METTL25B: variants seen among roughly 807,000 people sequenced by gnomAD.
METTL25B encodes methyltransferase-like protein 25B.
A neutral mutation model predicts 48.4 loss-of-function variants in METTL25B; 38 were observed. The ratio of observed to expected loss-of-function variants is 0.78; its 90% CI spans 0.61 to 1.03. The LOEUF is 1.03. Ranked by LOEUF, METTL25B falls within the 50% of genes least tolerant of loss-of-function variation. METTL25B has a pLI of 0.00. For missense variants in METTL25B, 537 were observed against 603.7 expected (o/e 0.89, Z 1.16); for synonymous variants, 230 against 254.5 (o/e 0.90, Z 0.92).
chr1:156,729,247 C>T (rs757480452), intron 1 of METTL25B, 32 bp downstream of exon 1: 5 of 1,405,556 alleles, frequency 3.6e-6, no homozygotes, highest in Non-Finnish European at 1.0e-6. Flanking sequence ...TGGGATGTCT[C>T]TGGTCGTGTG....
In METTL25B at chr1:156,731,991, G is replaced by C. The variant is rs1649329726; in HGVS notation, c.112G>C (p.Glu38Gln). The change falls in exon 2 of 8, where the codon GAA (glutamate) becomes CAA (glutamine). Residue 38 changes from glutamate to glutamine, a missense_variant and splice_region_variant. Coordinates refer to ENST00000368216, the MANE Select transcript of METTL25B (RefSeq NM_015997.4). ...YRSILDAYII[E>Q]FFTDNLWDTL... ...GATGGCTTCTCCCCTTCTTCTGTAG[G>C]AATTTTTCACAGACAACCTATGGGA... 2.5e-6 allele frequency: 4 copies of C among 1,614,080 alleles called. No individual in the cohort carries two copies. The highest frequency in any genetic ancestry group is 3.4e-6 in the Non-Finnish European group (4 of 1,180,000).
At chr1:156,736,225 T>G in intron 7 of METTL25B, 1 of 263,446 alleles carries the variant, frequency 3.8e-6, no homozygotes, top group Non-Finnish European at 7.2e-6. Context: ...CCGGGTATGG[T>G]GGCGCACACC....
chr1:156,733,309 A>C, intron 4 of METTL25B, 68 bp from the exon 5 acceptor site: 1 of 1,569,478 alleles, frequency 6.4e-7, no homozygotes, highest in Non-Finnish European at 8.7e-7. Flanking sequence ...TGTCCAGGTT[A>C]CCCATGGGGA....
chr1:156,733,721 T>A (rs1313603436), intron 5 of METTL25B: 1 of 669,460 alleles, frequency 1.5e-6, no homozygotes, highest in Admixed American at 3.0e-5. Flanking sequence ...CAAAGTGCTT[T>A]CCACACCAAT....
At chr1:156,730,686 C>A (rs769075301) in intron 1 of METTL25B, among the ~76,000 whole-genome samples, 1 of 152,114 alleles carries the variant, frequency 6.6e-6, no homozygotes, top group Non-Finnish European at 1.5e-5. Flanking sequence ...GAGCTGAGAT[C>A]GCGCCACTGC....
At position 156,729,216 on chromosome 1, in the gene METTL25B, G is replaced by T; in HGVS notation, c.111+1G>T. 6.3e-7 allele frequency: 1 copy of T among 1,588,072 alleles called. No homozygotes were observed. Among genetic ancestry groups the T allele is most frequent in the Non-Finnish European group, 8.6e-7 (1 of 1,158,522 alleles). ...TTCCATCTTGGATGCCTACATCATCGTGAGGCCACAGGGGCGTGGGTGGGA... is the reference window on the plus strand; with the variant it reads ...TTCCATCTTGGATGCCTACATCATCTTGAGGCCACAGGGGCGTGGGTGGGA... On this transcript the variant is annotated splice_donor_variant, in intron 1 of 7. Coordinates refer to ENST00000368216, the MANE Select transcript of METTL25B (RefSeq NM_015997.4). LOFTEE classifies it high-confidence loss of function.
chr1:156,732,143 G>A, intron 2 of METTL25B, 28 bp downstream of exon 2: 1 of 1,614,044 alleles, frequency 6.2e-7, no homozygotes, highest in Non-Finnish European at 8.5e-7. Context: ...CCTGTGCTGG[G>A]GAACTCAAGG....
intron 6 of METTL25B, among the ~76,000 whole-genome samples, chr1:156,734,754 A>T (rs1002391850): frequency 6.6e-6 from 1 of 151,366 alleles, no homozygotes; most frequent in African/African-American, 2.4e-5. Context: ...GATGGTCTCA[A>T]TCTCCTGACC....
At position 156,736,824 on chromosome 1, in the gene METTL25B, T is replaced by C. The variant is rs1012609200; in HGVS notation, c.*71T>C. 6.1e-6 allele frequency: 9 copies of C among 1,482,096 alleles called. No individual in the cohort carries two copies. The highest frequency in any genetic ancestry group is 8.2e-6 in the Non-Finnish European group (9 of 1,097,250). The allele number at this position is 1,482,096 out of a possible 1,614,324, so 91.8% of individuals were successfully genotyped here. ...AGAGAGCACAGTGGCAGAGTACATC[T>C]CATCCAGAGAAACAGCATCCTGCAT... On this transcript the variant is annotated 3_prime_UTR_variant, in exon 8 of 8. Coordinates refer to ENST00000368216, the MANE Select transcript of METTL25B (RefSeq NM_015997.4).
Position 156,732,093 on chromosome 1 carries a change from C to T in METTL25B, c.214C>T (p.Pro72Ser). ...PQLATMLLGM[P>S]GEGEVVRYRS... ...GCTGGCCACAATGCTGCTGGGGATG[C>T]CTGGGGAAGGGGAGGTCGTCAGGTA... is the stretch of plus-strand genomic sequence containing the variant. The change falls in exon 2 of 8, where the codon CCT (proline) becomes TCT (serine). Residue 72 changes from proline (P) to serine (S), a missense_variant. Pro to Ser is a moderately conservative substitution (Grantham distance 74). Transcript: ENST00000368216. The T allele has an allele frequency of 1.2e-6, 2 of 1,614,142 alleles. No homozygotes were observed. Among genetic ancestry groups the T allele is most frequent in the Non-Finnish European group, 1.7e-6 (2 of 1,180,004 alleles).
chr1:156,729,986 T>C (rs926500620), intron 1 of METTL25B, among the ~76,000 whole-genome samples: 18 of 152,336 alleles, frequency 1.2e-4, no homozygotes, highest in African/African-American at 4.1e-4. Context: ...GCCTTCGGAA[T>C]AGATCCCAAA....
At chr1:156,731,932 G>A in intron 1 of METTL25B, 59 bp from the exon 2 acceptor site, 1 of 1,606,354 alleles carries the variant, frequency 6.2e-7, no homozygotes, top group Non-Finnish European at 8.5e-7. Flanking sequence ...GTTGAGAGTG[G>A]TGTGGGAAAG....
intron 4 of METTL25B, 71 bp downstream of exon 4, chr1:156,733,118 G>A (rs1649436689): frequency 1.2e-5 from 17 of 1,440,776 alleles, no homozygotes; most frequent in Middle Eastern, 1.9e-4. Flanking sequence ...GCAGGTTATC[G>A]GGCCACAGGC....
chr1:156,735,985 C>T (rs1649756951), intron 7 of METTL25B, 76 bp downstream of exon 7: 10 of 1,307,232 alleles, frequency 7.6e-6, no homozygotes, highest in South Asian at 1.4e-5. Flanking sequence ...AGTCCCAGCC[C>T]CAACATCTTC....
intron 1 of METTL25B, chr1:156,729,431 TTC>T: frequency 4.7e-6 from 2 of 422,922 alleles, no homozygotes; most frequent in Non-Finnish European, 8.2e-6. Context: ...CTTTTTTTTT[TTC>T]TTTTTTTTTT....
intron 6 of METTL25B, among the ~76,000 whole-genome samples, chr1:156,735,458 G>A (rs1198723568): frequency 7.6e-6 from 1 of 131,910 alleles, no homozygotes; most frequent in Admixed American, 7.9e-5. Context: ...CCAGCTCTTT[G>A]GGAGGCCAAG....
Position 156,736,687 on chromosome 1 carries a change from G to A in METTL25B, c.1362G>A (p.Leu454=), listed in dbSNP as rs1414737823. The change falls in exon 8 of 8, where the codon CTG becomes CTA. Residue 454 remains leucine, a synonymous_variant. Coordinates refer to ENST00000368216, the MANE Select transcript of METTL25B (RefSeq NM_015997.4). ...IFSPELSPRN[L]VLVATKMPLG... is the part of the protein sequence containing the mutation. Reference sequence around the variant, plus strand: ...GTCCTGAACTCTCTCCCAGAAACCTGGTTCTGGTGGCCACCAAGATGCCCC... The same window carrying A: ...GTCCTGAACTCTCTCCCAGAAACCTAGTTCTGGTGGCCACCAAGATGCCCC... 7.4e-6 allele frequency: 12 copies of A among 1,613,834 alleles called. No individual in the cohort carries two copies. Among genetic ancestry groups the A allele is most frequent in the Non-Finnish European group, 1.0e-5 (12 of 1,180,002 alleles).
rs1407308672 is a variant in METTL25B, at chr1:156,728,511, GA to G, written c.-592del. 1 of 985,514 alleles carries G rather than the reference GA, an allele frequency of 1.0e-6. No individual in the cohort carries two copies. Among genetic ancestry groups the G allele is most frequent in the Non-Finnish European group, 1.2e-6 (1 of 829,942 alleles). 61.0% of individuals were successfully genotyped at this position (985,514 alleles called of 1,614,324 possible). On this transcript the variant is annotated 5_prime_UTR_variant, in exon 1 of 8. Coordinates refer to ENST00000368216, the MANE Select transcript of METTL25B (RefSeq NM_015997.4). ...CCCGGGAAGGCAGGCGCGCGGGTTA[GA>G]ACGCGCCAGAGGTCGGCGCGCGCAC...
intron 6 of METTL25B, 43 bp downstream of exon 6, chr1:156,734,536 CT>C (rs746525460): frequency 0.14 from 131,799 of 955,432 alleles, no homozygotes; most frequent in South Asian, 0.18. Context: ...GAGGAGATTT[CT>C]TTTTTTTTTT....
Sources: allele counts gnomAD v4.1 joint callset (sites outside exome capture counted in the v4.1 genomes callset), GRCh38; gene constraint gnomAD v4.1.1; transcripts MANE v1.5; gene names NCBI Gene and HGNC (gene_info 2026-07-23, HGNC 2026-07-21).